Variants in SNTG1 observed in about 807,000 individuals in gnomAD.
The protein encoded by SNTG1 is gamma-1-syntrophin.
In SNTG1, 39 loss-of-function variants were observed where a neutral mutation model predicts 74.7. The observed-to-expected ratio is 0.52, with a 90% CI of 0.40 to 0.68. The LOEUF is 0.68. Among genes scored for constraint, SNTG1 ranks in the 30% least tolerant of loss-of-function variants. SNTG1 has a pLI of 0.00. For missense variants in SNTG1, 685 were observed against 609.5 expected, an observed-to-expected ratio of 1.12 and a Z score of -1.30; for synonymous variants, 254 against 217.1, an observed-to-expected ratio of 1.17 and a Z score of -1.49.
chr8:50,513,472 G>A (rs1044415219), intron 9 of SNTG1, among the ~76,000 whole-genome samples: 1 of 152,182 alleles, frequency 6.6e-6, no homozygotes, highest in African/African-American at 2.4e-5. Flanking sequence ...AGTCTGCAGA[G>A]GATTCTGCTG....
intron 1 of SNTG1, among the ~76,000 whole-genome samples, chr8:49,962,422 T>A (rs1300451511): frequency 6.6e-6 from 1 of 151,696 alleles, no homozygotes; most frequent in South Asian, 2.1e-4. Context: ...AATGGGCAGA[T>A]GCTCACATAT....
intron 15 of SNTG1, 126 bp from the exon 16 acceptor site, chr8:50,704,474 A>C: frequency 8.6e-7 from 1 of 1,168,718 alleles, no homozygotes; most frequent in South Asian, 1.2e-5. Flanking sequence ...TCTAATGAAG[A>C]CTTGGTGAAT....
At chr8:50,410,491 AAT>A (rs1173002288) in intron 4 of SNTG1, among the ~76,000 whole-genome samples, 1 of 152,180 alleles carries the variant, frequency 6.6e-6, no homozygotes, top group Non-Finnish European at 1.5e-5. Context: ...ATTTACAAAG[AAT>A]ATATATATTC....
intron 18 of SNTG1, among the ~76,000 whole-genome samples, chr8:50,779,267 G>A (rs568757980): frequency 1.3e-5 from 2 of 152,248 alleles, no homozygotes; most frequent in Non-Finnish European, 2.9e-5. Flanking sequence ...GATGGGGATG[G>A]CATTGAATCT....
At chr8:50,705,933 CAT>C (rs2095442016) in intron 16 of SNTG1, among the ~76,000 whole-genome samples, 2 of 152,222 alleles carry the variant, frequency 1.3e-5, no homozygotes, top group African/African-American at 4.8e-5. Context: ...TAAATACACA[CAT>C]GGACACTTAA....
chr8:50,458,594 T>C (rs1220405974), intron 8 of SNTG1, among the ~76,000 whole-genome samples: 1 of 152,126 alleles, frequency 6.6e-6, no homozygotes, highest in African/African-American at 2.4e-5. Flanking sequence ...ACTTCTTGTA[T>C]ATATTTTCCA....
intron 18 of SNTG1, among the ~76,000 whole-genome samples, chr8:50,771,527 A>G (rs2095627096): frequency 6.6e-6 from 1 of 152,156 alleles, no homozygotes; most frequent in Non-Finnish European, 1.5e-5. Flanking sequence ...AGGAAAGCAG[A>G]ACGTAAAGAT....
intron 8 of SNTG1, among the ~76,000 whole-genome samples, chr8:50,478,356 C>G (rs2093713007): frequency 6.6e-6 from 1 of 152,098 alleles, no homozygotes; most frequent in Non-Finnish European, 1.5e-5. Flanking sequence ...TTTTTAATGA[C>G]AGGTTTTTGG....
At chr8:50,174,481 TTTAAA>T (rs1351281651) in intron 2 of SNTG1, among the ~76,000 whole-genome samples, 18 of 152,302 alleles carry the variant, frequency 1.2e-4, no homozygotes, top group Admixed American at 1.1e-3. Context: ...AACAGTTACC[TTTAAA>T]TTAAACAGTG....
chr8:50,758,022 C>T (rs2095585846), intron 18 of SNTG1, among the ~76,000 whole-genome samples: 2 of 151,914 alleles, frequency 1.3e-5, no homozygotes, highest in Admixed American at 1.3e-4. Flanking sequence ...TGCTTATACA[C>T]AATCCTATAC....
chr8:50,727,585 A>G (rs2095503204), intron 17 of SNTG1, among the ~76,000 whole-genome samples: 4 of 152,158 alleles, frequency 2.6e-5, no homozygotes, highest in Admixed American at 2.6e-4. Flanking sequence ...GTCCTTCTGT[A>G]GAAAACAAGA....
chr8:50,367,915 G>A (rs1299675071), intron 2 of SNTG1, among the ~76,000 whole-genome samples: 7 of 152,192 alleles, frequency 4.6e-5, no homozygotes, highest in Non-Finnish European at 8.8e-5. Flanking sequence ...ACCTGGCTTG[G>A]CCTTGGCTTG....
At chr8:50,219,753 G>A (rs978454402) in intron 2 of SNTG1, among the ~76,000 whole-genome samples, 1 of 152,090 alleles carries the variant, frequency 6.6e-6, no homozygotes, top group African/African-American at 2.4e-5. Context: ...CTCCAACATT[G>A]GGGGTTGCAA....
intron 1 of SNTG1, among the ~76,000 whole-genome samples, chr8:50,023,457 T>A (rs1816997533): frequency 6.6e-6 from 1 of 152,182 alleles, no homozygotes; most frequent in African/African-American, 2.4e-5. Context: ...ATTTTATTGA[T>A]AACTTTCCAA....
chr8:50,751,526 G>C (rs2095567357), intron 17 of SNTG1, among the ~76,000 whole-genome samples: 1 of 152,020 alleles, frequency 6.6e-6, no homozygotes, highest in Non-Finnish European at 1.5e-5. Flanking sequence ...TGATGCAGAT[G>C]ATGGCTCTAT....
intron 15 of SNTG1, among the ~76,000 whole-genome samples, chr8:50,667,260 T>C (rs1446903354): frequency 6.6e-6 from 1 of 152,126 alleles, no homozygotes; most frequent in Admixed American, 6.6e-5. Context: ...ATGGCAGGTA[T>C]TAGTAGAAAC....
chr8:50,055,747 G>A (rs1355617907), intron 1 of SNTG1, among the ~76,000 whole-genome samples: 1 of 151,942 alleles, frequency 6.6e-6, no homozygotes, highest in Admixed American at 6.6e-5. Flanking sequence ...CCTCGAAGTT[G>A]GTCCTAACTC....
At chr8:50,196,802 C>CAAAAAAAAAA (rs542608239) in intron 2 of SNTG1, among the ~76,000 whole-genome samples, 2 of 99,950 alleles carry the variant, frequency 2.0e-5, no homozygotes, top group Non-Finnish European at 2.2e-5. Context: ...ACTAAAAATA[C>CAAAAAAAAAA]AAAAAAAAAA....
At chr8:50,075,619 G>C (rs900665262) in intron 1 of SNTG1, among the ~76,000 whole-genome samples, 2 of 152,180 alleles carry the variant, frequency 1.3e-5, no homozygotes, top group Non-Finnish European at 2.9e-5. Flanking sequence ...CAACACGTTG[G>C]GGCCTGCTTC....
Sources: allele counts gnomAD v4.1 joint callset (sites outside exome capture counted in the v4.1 genomes callset), GRCh38; gene constraint gnomAD v4.1.1; transcripts MANE v1.5; gene names NCBI Gene and HGNC (gene_info 2026-07-23, HGNC 2026-07-21).